The following PER3 variants were observed in gnomAD, a reference collection of about 807,000 sequenced individuals.
PER3 encodes period circadian protein homolog 3.
PER3 carries 107 observed loss-of-function variants against 127.2 expected under a neutral mutation model. The observed-to-expected ratio is 0.84, with a 90% CI of 0.72 to 0.99. The LOEUF is 0.99. Among genes scored for constraint, PER3 ranks in the 50% least tolerant of loss-of-function variants. PER3 has a pLI of 0.00. For synonymous variants in PER3, 618 were observed against 585.8 expected, an observed-to-expected ratio of 1.05 and a Z score of -0.79; for missense variants, 1,560 against 1,525.8, an observed-to-expected ratio of 1.02 and a Z score of -0.37.
At chr1:7,804,182 T>C (rs1442446727) in intron 10 of PER3, among the ~76,000 whole-genome samples, 54 of 152,110 alleles carry the variant, frequency 3.6e-4, no homozygotes, top group Admixed American at 3.5e-3. Flanking sequence ...TACAAAATTA[T>C]TTATACCTAT....
In PER3 at chr1:7,784,781, G is replaced by T; in HGVS notation, c.-97G>T. The T allele has an allele frequency of 7.9e-7, 1 of 1,268,532 alleles. No homozygotes were observed. The highest frequency in any genetic ancestry group is 1.0e-6 in the Non-Finnish European group (1 of 980,506). The allele number at this position is 1,268,532 out of a possible 1,614,324, so 78.6% of individuals were successfully genotyped here. ...TCTCACTAACGCCATGGCGGGGACCGGAGTGAGAAACCGGTGTCTGTCACT... is the reference window on the plus strand; with the variant it reads ...TCTCACTAACGCCATGGCGGGGACCTGAGTGAGAAACCGGTGTCTGTCACT... On this transcript the variant is annotated 5_prime_UTR_variant, in exon 2 of 22. The change creates a premature stop within an existing upstream ORF in the 5' untranslated region. Transcript: ENST00000377532.
At chr1:7,828,952 C>T (rs1002875502) in intron 18 of PER3, among the ~76,000 whole-genome samples, 3 of 152,106 alleles carry the variant, frequency 2.0e-5, no homozygotes, top group East Asian at 3.8e-4. Context: ...AAAAAAACTA[C>T]TTGTGGGGTG....
intron 10 of PER3, among the ~76,000 whole-genome samples, chr1:7,807,004 C>T (rs926605900): frequency 9.9e-5 from 15 of 151,886 alleles, no homozygotes; most frequent in African/African-American, 3.1e-4. Context: ...ATATTAGGAA[C>T]CAGGTGTACT....
At position 7,788,258 on chromosome 1, in the gene PER3, A is replaced by G; in HGVS notation, c.592+12A>G. On this transcript the variant is annotated intron_variant, in intron 5 of 21. Transcript: ENST00000377532. The stretch of plus-strand genomic sequence containing the variant: ...CTGGACCCAAAGAGGTAACAGGACC[A>G]ATGTTCAGATGTCTATCTTTCCTCA... The G allele has an allele frequency of 6.3e-7, 1 of 1,575,978 alleles. No individual in the cohort carries two copies. Among genetic ancestry groups the G allele is most frequent in the Non-Finnish European group, 8.7e-7 (1 of 1,145,176 alleles).
intron 10 of PER3, 41 bp from the exon 11 acceptor site, chr1:7,808,852 T>A: frequency 5.8e-6 from 6 of 1,027,844 alleles, no homozygotes; most frequent in Non-Finnish European, 9.2e-6. Flanking sequence ...TTCGACTTCA[T>A]TTAAATTGTT....
In PER3 at chr1:7,843,018, G is replaced by T. The variant is rs187060078; in HGVS notation, c.*263G>T. 4.4e-6 allele frequency: 1 copy of T among 228,516 alleles called. No individual in the cohort carries two copies. Among genetic ancestry groups the T allele is most frequent in the East Asian group, 8.7e-5 (1 of 11,532 alleles). The allele number at this position is 228,516 out of a possible 1,614,324, so 14.2% of individuals were successfully genotyped here. ...CTAAAGAGATTGGATGGCCTCTAAAGAGGTATGTGTATCTTTATTTCAGAT... is the reference window on the plus strand; with the variant it reads ...CTAAAGAGATTGGATGGCCTCTAAATAGGTATGTGTATCTTTATTTCAGAT... On this transcript the variant is annotated 3_prime_UTR_variant, in exon 22 of 22. Coordinates refer to ENST00000377532, the MANE Select transcript of PER3 (RefSeq NM_001377275.1).
chr1:7,831,545 G>C (rs2097331660), intron 19 of PER3, among the ~76,000 whole-genome samples: 1 of 152,206 alleles, frequency 6.6e-6, no homozygotes, highest in Admixed American at 6.5e-5. Flanking sequence ...AAAGCAGTCA[G>C]TGTTTCACCA....
chr1:7,842,461 C>G (rs991230918), intron 21 of PER3, among the ~76,000 whole-genome samples: 21 of 151,710 alleles, frequency 1.4e-4, no homozygotes, highest in Non-Finnish European at 2.6e-4. Flanking sequence ...GATCGCACCA[C>G]TGCATTCCAG....
chr1:7,815,018 C>T (rs576222775), intron 13 of PER3, among the ~76,000 whole-genome samples: 16 of 152,086 alleles, frequency 1.1e-4, no homozygotes, highest in African/African-American at 2.9e-4. Flanking sequence ...GGACTGAAGC[C>T]GGGAGTGGTG....
At chr1:7,809,685 G>C (rs2097210417) in intron 11 of PER3, among the ~76,000 whole-genome samples, 1 of 152,156 alleles carries the variant, frequency 6.6e-6, no homozygotes, top group African/African-American at 2.4e-5. Context: ...ACCTAGACTA[G>C]AACATAAGAC....
intron 7 of PER3, among the ~76,000 whole-genome samples, chr1:7,800,216 A>ATTTTTTTTTTTTTTTT (rs35599508): frequency 1.4e-5 from 2 of 146,328 alleles, no homozygotes; most frequent in African/African-American, 2.5e-5. Flanking sequence ...CAATCACTTC[A>ATTTTTTTTTTTTTTTT]TTTTTTTTTT....
At position 7,836,952 on chromosome 1, in the gene PER3, C is replaced by G. The variant is rs753897466; in HGVS notation, c.3399-47C>G. 72 of 1,500,038 alleles carry G rather than the reference C, an allele frequency of 4.8e-5. 1 individual carries two copies. The South Asian group carries it at 5.9e-4, about 12-fold the overall frequency. 92.9% of individuals were successfully genotyped at this position (1,500,038 alleles called of 1,614,324 possible). On this transcript the variant is annotated intron_variant, in intron 20 of 21. Coordinates refer to ENST00000377532, the MANE Select transcript of PER3 (RefSeq NM_001377275.1). ...TATTCCTAGATGACGGGAAAAGAAC[C>G]CTGTGTCTTATTCAGGACTATTAAG...
At chr1:7,836,399 G>A (rs765718711) in intron 20 of PER3, among the ~76,000 whole-genome samples, 34 of 152,196 alleles carry the variant, frequency 2.2e-4, no homozygotes, top group Non-Finnish European at 4.1e-4. Flanking sequence ...GGTTGATCTT[G>A]AACTCCTGGC....
At chr1:7,793,281 C>G (rs1464840631) in intron 5 of PER3, among the ~76,000 whole-genome samples, 1 of 152,148 alleles carries the variant, frequency 6.6e-6, no homozygotes, top group Non-Finnish European at 1.5e-5. Context: ...CCCTCATCTC[C>G]TAAGGCAAAT....
Position 7,784,816 on chromosome 1 carries a change from G to C in PER3, c.-62G>C. On this transcript the variant is annotated 5_prime_UTR_variant, in exon 2 of 22. Coordinates refer to ENST00000377532, the MANE Select transcript of PER3 (RefSeq NM_001377275.1). ...ACCGGTGTCTGTCACTGACTGCAAA[G>C]TGAGCGAGAAGCAGGCTGCGGGCCG... 7.2e-7 allele frequency: 1 copy of C among 1,386,696 alleles called. No individual in the cohort carries two copies. Among genetic ancestry groups the C allele is most frequent in the South Asian group, 1.8e-5 (1 of 56,066 alleles). The allele number at this position is 1,386,696 out of a possible 1,614,324, so 85.9% of individuals were successfully genotyped here. A position where few individuals can be genotyped will look rare whatever the true frequency, so the allele number is the denominator to read the frequency against.
intron 18 of PER3, 37 bp from the exon 19 acceptor site, chr1:7,829,797 A>T: frequency 6.6e-7 from 1 of 1,516,328 alleles, no homozygotes; most frequent in Non-Finnish European, 9.1e-7. Flanking sequence ...TGTGATAAGA[A>T]GATTAAAGTG....
Position 7,820,119 on chromosome 1 carries a change from C to G in PER3, c.1663C>G (p.Leu555Val). 6.2e-7 allele frequency: 1 copy of G among 1,613,316 alleles called. No homozygotes were observed. The change falls in exon 15 of 22, where the codon CTG becomes GTG. Residue 555 changes from leucine (L) to valine (V), a missense_variant. Transcript: ENST00000377532. ...INCIDSVIRY[L>V]KSYNIPALKR... ...GGCCTAATTATGTTGTTACAGATAC[C>G]TGAAGAGCTACAACATTCCAGCTTT...
intron 19 of PER3, among the ~76,000 whole-genome samples, chr1:7,834,475 A>G (rs1264628578): frequency 6.6e-6 from 1 of 152,058 alleles, no homozygotes; most frequent in Non-Finnish European, 1.5e-5. Context: ...TGTTGTTTTG[A>G]CACAAGGTGT....
At chr1:7,832,387 T>TC (rs1303836732) in intron 19 of PER3, among the ~76,000 whole-genome samples, 2 of 76,810 alleles carry the variant, frequency 2.6e-5, no homozygotes, top group African/African-American at 1.1e-4. Context: ...TTTTTTTTTT[T>TC]CCCTGGGACA....
Sources: gnomAD v4.1 joint callset for allele counts (sites outside exome capture counted in the v4.1 genomes callset) on GRCh38, gnomAD v4.1.1 for gene constraint, MANE v1.5 for transcripts, NCBI Gene and HGNC (gene_info 2026-07-23, HGNC 2026-07-21) for gene names.